Variants in CEP128 observed in about 807,000 individuals in gnomAD.
CEP128 encodes centrosomal protein 128.
CEP128 carries 132 observed loss-of-function variants against 156.7 expected under a neutral mutation model. That is an observed-to-expected ratio of 0.84 (90% confidence interval 0.73 to 0.97). CEP128 has a LOEUF of 0.97. Among genes scored for constraint, CEP128 ranks in the 50% least tolerant of loss-of-function variants. The pLI is 0.00. For missense variants in CEP128, 1,252 were observed against 1,281.9 expected, an observed-to-expected ratio of 0.98 and a Z score of 0.36; for synonymous variants, 469 against 448.9, an observed-to-expected ratio of 1.04 and a Z score of -0.57.
intron 19 of CEP128, among the ~76,000 whole-genome samples, chr14:80,686,654 C>T (rs1896533906): frequency 6.6e-6 from 1 of 151,938 alleles, no homozygotes; most frequent in Non-Finnish European, 1.5e-5. Context: ...GAGTTAAGAC[C>T]CATTGGTGTG....
At chr14:80,673,688 G>GT (rs1895947755) in intron 19 of CEP128, among the ~76,000 whole-genome samples, 1 of 140,370 alleles carries the variant, frequency 7.1e-6, no homozygotes, top group South Asian at 2.2e-4. Context: ...AAAGCAAAGG[G>GT]ATCTCACATT....
intron 2 of CEP128, among the ~76,000 whole-genome samples, chr14:80,917,398 T>G (rs920476326): frequency 6.6e-6 from 1 of 152,262 alleles, no homozygotes; most frequent in Non-Finnish European, 1.5e-5. Flanking sequence ...ATATTGAGTA[T>G]CCCAATAATT....
chr14:80,877,878 C>A (rs1372711919), intron 8 of CEP128, among the ~76,000 whole-genome samples: 1 of 152,108 alleles, frequency 6.6e-6, no homozygotes, highest in Admixed American at 6.5e-5. Context: ...ATACCCACCC[C>A]CCACCGCAGG....
chr14:80,655,836 T>C lies in CEP128; in HGVS notation c.2807-75413A>G, dbSNP rs569214003. Among the ~76,000 whole-genome samples, 31 of 152,312 alleles carry C rather than the reference T, an allele frequency of 2.0e-4. No individual in the cohort carries two copies. The South Asian group carries it at 6.4e-3, about 32-fold the overall frequency. On this transcript the variant is annotated intron_variant, in intron 19 of 24. Transcript: ENST00000555265. ...AAAGCCAGATCCCTGTTTAAAAACC[T>C]CTGCTGGCCTTTTGAGTTACACGAG...
intron 19 of CEP128, among the ~76,000 whole-genome samples, chr14:80,701,276 C>A (rs1897065741): frequency 6.6e-6 from 1 of 152,104 alleles, no homozygotes; most frequent in African/African-American, 2.4e-5. Flanking sequence ...GGGGCACCTA[C>A]CGGAGAGGCT....
intron 13 of CEP128, among the ~76,000 whole-genome samples, chr14:80,818,315 A>G (rs1270207866): frequency 6.6e-6 from 1 of 152,244 alleles, no homozygotes; most frequent in South Asian, 2.1e-4. Flanking sequence ...CACCGTGCCC[A>G]GTCTACTAAA....
chr14:80,777,770 A>G, intron 16 of CEP128, 112 bp downstream of exon 16: 1 of 834,830 alleles, frequency 1.2e-6, no homozygotes, highest in Non-Finnish European at 1.8e-6. Context: ...GGGCACCAAT[A>G]CAACTTCCCT....
intron 19 of CEP128, among the ~76,000 whole-genome samples, chr14:80,695,876 A>C (rs1018139883): frequency 1.3e-5 from 2 of 152,010 alleles, no homozygotes. Flanking sequence ...GCTTCAAAAA[A>C]ATTTTTTTTG....
chr14:80,954,770 G>T lies in CEP128; in HGVS notation c.-172+3408C>A, dbSNP rs145955805. Among the ~76,000 whole-genome samples the T allele has an allele frequency of 3.8e-3, 574 of 152,366 alleles. 5 individuals carry two copies. The highest frequency in any genetic ancestry group is 0.012 in the African/African-American group (519 of 41,584). On this transcript the variant is annotated intron_variant, in intron 2 of 7. Coordinates refer to the CEP128 transcript ENST00000555529. ...CTTTTTGGCTACTGTGCGAAGAATG[G>T]TGAGTATGCCACTTAAGTATTATTT...
intron 19 of CEP128, among the ~76,000 whole-genome samples, chr14:80,604,737 T>C (rs1459142091): frequency 5.3e-5 from 8 of 152,238 alleles, no homozygotes; most frequent in Admixed American, 5.2e-4. Flanking sequence ...TTCATTGTTA[T>C]GCATTTGGAT....
chr14:80,486,061 T>G (rs1405377298), downstream of CEP128, among the ~76,000 whole-genome samples: 1 of 152,208 alleles, frequency 6.6e-6, no homozygotes, highest in Non-Finnish European at 1.5e-5. Flanking sequence ...ACTGTTGCAA[T>G]TAGCTAGAAG....
intron 24 of CEP128, among the ~76,000 whole-genome samples, chr14:80,503,789 T>C (rs112091570): frequency 1.3e-5 from 2 of 152,158 alleles, no homozygotes; most frequent in African/African-American, 4.8e-5. Flanking sequence ...TTGGCTTATG[T>C]AGATACAAAA....
chr14:80,701,473 C>G (rs188339387), intron 19 of CEP128, among the ~76,000 whole-genome samples: 2 of 152,222 alleles, frequency 1.3e-5, no homozygotes, highest in African/African-American at 4.8e-5. Flanking sequence ...AACAGAACAA[C>G]CAACAACCAA....
intron 13 of CEP128, chr14:80,822,526 GC>G (rs1566651637): frequency 1.5e-6 from 1 of 650,544 alleles, no homozygotes. Context: ...CCGCCACCAT[GC>G]CCAAGAGAAA....
At chr14:80,740,539 TAGATAGAC>T (rs1566888115) in intron 19 of CEP128, among the ~76,000 whole-genome samples, 2 of 131,022 alleles carry the variant, frequency 1.5e-5, no homozygotes, top group African/African-American at 5.3e-5. Flanking sequence ...GATAGATAGA[TAGATAGAC>T]AGACAGATAG....
chr14:80,492,290 T>C (rs1056420311), downstream of CEP128, among the ~76,000 whole-genome samples: 7 of 152,234 alleles, frequency 4.6e-5, no homozygotes, highest in Non-Finnish European at 7.3e-5. Context: ...GGATGAAGAA[T>C]AATGATCTCA....
chr14:80,863,003 C>T (rs7146496), intron 8 of CEP128, 130 bp from the exon 9 acceptor site: 13,168 of 550,960 alleles, frequency 0.024, 1,341 homozygotes, highest in African/African-American at 0.22. Context: ...TGCAAAGCCC[C>T]TTCTAATGAC....
chr14:80,498,073 T>C (rs974885428), intron 24 of CEP128, among the ~76,000 whole-genome samples: 2 of 152,192 alleles, frequency 1.3e-5, no homozygotes, highest in African/African-American at 4.8e-5. Context: ...AAATCTTCTC[T>C]CCTTATCTCT....
intron 12 of CEP128, among the ~76,000 whole-genome samples, chr14:80,834,542 C>T (rs1485329209): frequency 6.6e-6 from 1 of 152,116 alleles, no homozygotes; most frequent in Non-Finnish European, 1.5e-5. Flanking sequence ...AGATGAAAAA[C>T]TCTACAATTG....
Sources: allele counts gnomAD v4.1 joint callset (sites outside exome capture counted in the v4.1 genomes callset), GRCh38; gene constraint gnomAD v4.1.1; transcripts MANE v1.5; gene names NCBI Gene and HGNC (gene_info 2026-07-23, HGNC 2026-07-21).